Variants in SPMIP6 observed in about 807,000 individuals in gnomAD.
SPMIP6 encodes ciliated bronchial epithelial protein 1.
chr9:34,388,777 A>T, the SPMIP6 span, among the ~76,000 whole-genome samples: 1 of 152,074 alleles, frequency 6.6e-6, no homozygotes, highest in Non-Finnish European at 1.5e-5. Flanking sequence ...GAGTCAAAAC[A>T]TGTGTTCAAT....
chr9:34,386,504 G>T, the SPMIP6 span, among the ~76,000 whole-genome samples: 2 of 150,286 alleles, frequency 1.3e-5, no homozygotes, highest in African/African-American at 4.9e-5. Context: ...TGAGGCAGGA[G>T]AATCAACCCA....
chr9:34,381,201 C>T, the SPMIP6 span: 1 of 1,556,204 alleles, frequency 6.4e-7, no homozygotes, highest in Non-Finnish European at 8.7e-7. This position sits in a 1 kb window ranked among gnomAD's most constrained non-coding sequence, Gnocchi z 4.4. Context: ...GGCCGAGTCA[C>T]GGACAGAGTG....
chr9:34,380,675 C>T, the SPMIP6 span: 5 of 1,544,136 alleles, frequency 3.2e-6, no homozygotes, highest in African/African-American at 2.7e-5. Flanking sequence ...GGACAGGGGT[C>T]GGGGACTTGG....
the SPMIP6 span, among the ~76,000 whole-genome samples, chr9:34,395,527 G>A: frequency 6.6e-6 from 1 of 151,140 alleles, no homozygotes; most frequent in Non-Finnish European, 1.5e-5. Context: ...CCAAAGTTAT[G>A]TCCTTGGCCA....
chr9:34,383,597 A>T, the SPMIP6 span, among the ~76,000 whole-genome samples: 1 of 152,164 alleles, frequency 6.6e-6, no homozygotes, highest in East Asian at 1.9e-4. Flanking sequence ...TCTTTGCAGC[A>T]CCTTAACCAG....
At chr9:34,382,191 A>T in the SPMIP6 span, among the ~76,000 whole-genome samples, 1 of 152,172 alleles carries the variant, frequency 6.6e-6, no homozygotes, top group African/African-American at 2.4e-5. Context: ...GTCCCTACAG[A>T]GCCCAGCCAG....
chr9:34,381,905 T>C, the SPMIP6 span, among the ~76,000 whole-genome samples: 3 of 152,190 alleles, frequency 2.0e-5, no homozygotes, highest in African/African-American at 4.8e-5. This position sits in a 1 kb window ranked among gnomAD's most constrained non-coding sequence, Gnocchi z 4.4. Flanking sequence ...GGCTCTGGTT[T>C]TGGGTCCTCT....
At chr9:34,385,859 C>CCTCTCTTGAGGCTT in the SPMIP6 span, 1 of 1,491,506 alleles carries the variant, frequency 6.7e-7, no homozygotes, top group South Asian at 1.3e-5. Flanking sequence ...CTAGATCCAG[C>CCTCTCTTGAGGCTT]CTCTCTTGAG....
At chr9:34,381,327 CTCT>C in the SPMIP6 span, 1 of 1,613,512 alleles carries the variant, frequency 6.2e-7, no homozygotes, top group African/African-American at 1.3e-5. The surrounding 1 kb of genome is among the most constrained non-coding windows in gnomAD (Gnocchi z 4.4). Context: ...TTCCCCAACC[CTCT>C]CCACCCGTTC....
the SPMIP6 span, among the ~76,000 whole-genome samples, chr9:34,390,593 T>G: frequency 6.6e-6 from 1 of 152,352 alleles, no homozygotes; most frequent in Non-Finnish European, 1.5e-5. Flanking sequence ...AAATTATTTT[T>G]TATACACTAC....
chr9:34,387,525 C>CA, the SPMIP6 span, among the ~76,000 whole-genome samples: 318 of 151,722 alleles, frequency 2.1e-3, no homozygotes, highest in African/African-American at 6.0e-3. Flanking sequence ...CACACACACA[C>CA]CCCTGTGTAC....
At chr9:34,390,403 A>T in the SPMIP6 span, among the ~76,000 whole-genome samples, 6 of 152,224 alleles carry the variant, frequency 3.9e-5, no homozygotes, top group African/African-American at 1.4e-4. Context: ...TTTACATACC[A>T]TAAATTTCAC....
At chr9:34,392,013 T>A in the SPMIP6 span, among the ~76,000 whole-genome samples, 2 of 152,190 alleles carry the variant, frequency 1.3e-5, no homozygotes, top group East Asian at 1.9e-4. The surrounding 1 kb of genome is among the most constrained non-coding windows in gnomAD (Gnocchi z 4.6). Flanking sequence ...TTTTTATTTT[T>A]AAAACATTTT....
the SPMIP6 span, chr9:34,397,372 C>T: frequency 9.5e-7 from 1 of 1,053,132 alleles, no homozygotes; most frequent in South Asian, 1.4e-5. Context: ...ATTGTAAATT[C>T]TGTGCCTAGG....
the SPMIP6 span, among the ~76,000 whole-genome samples, chr9:34,393,775 C>G: frequency 6.6e-6 from 1 of 151,900 alleles, no homozygotes; most frequent in Non-Finnish European, 1.5e-5. Context: ...ATCTCTTTGT[C>G]TCTCTGTGCT....
the SPMIP6 span, chr9:34,380,822 C>A: frequency 7.0e-7 from 1 of 1,423,110 alleles, no homozygotes; most frequent in East Asian, 2.6e-5. Context: ...GCTGGCCGGG[C>A]TGGAAGGGGG....
At chr9:34,380,962 G>A in the SPMIP6 span, 1 of 1,606,240 alleles carries the variant, frequency 6.2e-7, no homozygotes, top group African/African-American at 1.3e-5. Flanking sequence ...CCCCGCTGGC[G>A]TAGTAGTCCA....
chr9:34,380,369 G>T, the SPMIP6 span, among the ~76,000 whole-genome samples: 1 of 152,224 alleles, frequency 6.6e-6, no homozygotes, highest in Non-Finnish European at 1.5e-5. Flanking sequence ...GAGGAGGCCA[G>T]AGCCATTCTG....
chr9:34,397,435 A>G, the SPMIP6 span: 1 of 1,527,346 alleles, frequency 6.5e-7, no homozygotes, highest in African/African-American at 1.4e-5. Flanking sequence ...ACAAACATAC[A>G]TTGCCAGGCA....
Sources: allele counts gnomAD v4.1 joint callset (sites outside exome capture counted in the v4.1 genomes callset), GRCh38; gene constraint gnomAD v4.1.1; non-coding constraint Gnocchi (gnomAD v3.1); transcripts MANE v1.5; gene names NCBI Gene and HGNC (gene_info 2026-07-23, HGNC 2026-07-21).